The following CSMD1 variants were observed in gnomAD, a reference collection of about 807,000 sequenced individuals.
CSMD1 encodes the protein CUB and Sushi multiple domains 1.
CSMD1 carries 213 observed loss-of-function variants against 417.5 expected under a neutral mutation model. The ratio of observed to expected loss-of-function variants is 0.51; its 90% CI spans 0.46 to 0.57. The LOEUF (loss-of-function observed/expected upper bound fraction) is 0.57, where lower values mean the gene tolerates loss of function less well. Among genes scored for constraint, CSMD1 ranks in the 20% least tolerant of loss-of-function variants. The probability of loss-of-function intolerance (pLI) is 0.00; values close to 1 mark genes in which losing one functional copy is unlikely to be tolerated. For synonymous variants in CSMD1, 2,862 were observed against 1,736.8 expected (o/e 1.65, Z -16.11); for missense variants, 6,923 against 4,529.7 (o/e 1.53, Z -15.17).
At chr8:3,724,273 G>A (rs540021051) in intron 6 of CSMD1, among the ~76,000 whole-genome samples, 138 of 151,854 alleles carry the variant, frequency 9.1e-4, no homozygotes, top group African/African-American at 3.1e-3. Context: ...ATGTATACAT[G>A]TGCCATGCTG....
intron 42 of CSMD1, chr8:3,113,026 C>G (rs1377252200): frequency 3.9e-5 from 6 of 152,262 alleles, no homozygotes; most frequent in Non-Finnish European, 5.9e-5. Context: ...CAAGTGGTGG[C>G]GTCTCACTGA....
intron 10 of CSMD1, among the ~76,000 whole-genome samples, chr8:3,530,427 G>A (rs181483749): frequency 6.6e-6 from 1 of 152,024 alleles, no homozygotes; most frequent in Non-Finnish European, 1.5e-5. Flanking sequence ...TGATTGTTTA[G>A]GTGTGTTGTT....
rs932574100 is a variant in CSMD1 at position 4,280,277 on chromosome 8, C to T, written c.415+139676G>A. Among the ~76,000 whole-genome samples the T allele has an allele frequency of 1.6e-4, 24 of 152,198 alleles. No individual in the cohort carries two copies. The South Asian group carries it at 1.9e-3, about 12-fold the overall frequency. Reference sequence around the variant, plus strand: ...TATATTGCAGTATTTGATATTAGCACGTTTTTATAATGTAGTATATAATAA... The same window carrying T: ...TATATTGCAGTATTTGATATTAGCATGTTTTTATAATGTAGTATATAATAA... On this transcript the variant is annotated intron_variant, in intron 3 of 69. Transcript: ENST00000635120.
intron 1 of CSMD1, among the ~76,000 whole-genome samples, chr8:4,988,901 A>G (rs1028929253): frequency 1.3e-5 from 2 of 152,078 alleles, no homozygotes; most frequent in African/African-American, 4.8e-5. Flanking sequence ...CAATTATACA[A>G]TGTCCTTCTA....
intron 1 of CSMD1, among the ~76,000 whole-genome samples, chr8:4,657,054 A>C (rs1177314536): frequency 6.6e-6 from 1 of 152,178 alleles, no homozygotes; most frequent in Non-Finnish European, 1.5e-5. Context: ...CAATGGAGGC[A>C]AATAACACAG....
intron 5 of CSMD1, among the ~76,000 whole-genome samples, chr8:3,993,934 C>T (rs1342638162): frequency 6.6e-6 from 1 of 152,108 alleles, no homozygotes; most frequent in African/African-American, 2.4e-5. Context: ...AACAAATGCA[C>T]CAGGGATGAA....
intron 10 of CSMD1, among the ~76,000 whole-genome samples, chr8:3,503,940 G>A (rs912392014): frequency 2.6e-5 from 4 of 151,998 alleles, no homozygotes; most frequent in African/African-American, 7.3e-5. Flanking sequence ...GAATATGGAG[G>A]CGGGGGTTAG....
At chr8:3,317,274 A>G (rs1227447782) in intron 23 of CSMD1, among the ~76,000 whole-genome samples, 2 of 152,210 alleles carry the variant, frequency 1.3e-5, no homozygotes, top group Non-Finnish European at 2.9e-5. Flanking sequence ...AAAAATAAAC[A>G]TGCTTTGGAT....
intron 3 of CSMD1, among the ~76,000 whole-genome samples, chr8:4,413,251 G>C (rs190431254): frequency 1.9e-4 from 29 of 152,294 alleles, no homozygotes; most frequent in Non-Finnish European, 3.2e-4. Flanking sequence ...AGCTGGCTAA[G>C]CTTTCCTTTC....
At chr8:3,880,100 C>T (rs1019344682) in intron 5 of CSMD1, among the ~76,000 whole-genome samples, 3 of 151,902 alleles carry the variant, frequency 2.0e-5, no homozygotes, top group Admixed American at 1.3e-4. Flanking sequence ...AAACGTATTA[C>T]TAAATTCATT....
chr8:3,422,265 T>C lies in CSMD1; in HGVS notation c.1562-12660A>G, dbSNP rs193012599. 2.3e-3 allele frequency among the ~76,000 whole-genome samples: 347 copies of C among 152,280 alleles called. 2 individuals are homozygous for C. Among genetic ancestry groups the C allele is most frequent in the African/African-American group, 8.0e-3 (333 of 41,562 alleles). On this transcript the variant is annotated intron_variant, in intron 12 of 69. Transcript: ENST00000635120. ...ACACTTAGCCACTCAGCATTCTTGA[T>C]GGCATACAATTCTGGGTACCTGATC...
At chr8:3,331,986 T>G (rs1026398539) in intron 23 of CSMD1, among the ~76,000 whole-genome samples, 1 of 152,156 alleles carries the variant, frequency 6.6e-6, no homozygotes, top group Non-Finnish European at 1.5e-5. Flanking sequence ...TGATAGATAA[T>G]TGCCTCGTCA....
intron 48 of CSMD1, among the ~76,000 whole-genome samples, chr8:3,090,100 G>A (rs1350572110): frequency 6.6e-6 from 1 of 151,624 alleles, no homozygotes; most frequent in Non-Finnish European, 1.5e-5. Flanking sequence ...GGATCACAAG[G>A]TCAGGAGATC....
At chr8:4,317,823 T>G (rs551196498) in intron 3 of CSMD1, among the ~76,000 whole-genome samples, 5 of 152,178 alleles carry the variant, frequency 3.3e-5, no homozygotes, top group Non-Finnish European at 7.3e-5. Flanking sequence ...CATTCAGTAA[T>G]TATTTGTTTA....
chr8:4,850,382 C>CTTTTTTTTTTTTTTTTTT, intron 1 of CSMD1, among the ~76,000 whole-genome samples: 8 of 77,826 alleles, frequency 1.0e-4, no homozygotes, highest in African/African-American at 3.7e-4. Flanking sequence ...TCCAATTTAT[C>CTTTTTTTTTTTTTTTTTT]TTTTTTTTTT....
intron 10 of CSMD1, among the ~76,000 whole-genome samples, chr8:3,557,123 C>A (rs902938221): frequency 6.6e-6 from 1 of 152,192 alleles, no homozygotes; most frequent in African/African-American, 2.4e-5. Context: ...TTACCCACGA[C>A]TGAGCTTCAC....
chr8:4,600,649 T>G (rs1800531215), intron 2 of CSMD1, among the ~76,000 whole-genome samples: 1 of 152,190 alleles, frequency 6.6e-6, no homozygotes, highest in South Asian at 2.1e-4. Flanking sequence ...TTACCACCAA[T>G]GTTTAGATAA....
chr8:4,966,764 T>A (rs563312942), intron 1 of CSMD1, among the ~76,000 whole-genome samples: 5 of 152,340 alleles, frequency 3.3e-5, no homozygotes, highest in African/African-American at 1.2e-4. Context: ...TGTGTCTTAA[T>A]TTAAAATAAC....
chr8:3,338,761 G>T (rs964320677), intron 23 of CSMD1, among the ~76,000 whole-genome samples: 1 of 151,028 alleles, frequency 6.6e-6, no homozygotes, highest in Non-Finnish European at 1.5e-5. Flanking sequence ...TTGCCATATG[G>T]AATTGTGGCA....
Sources: allele counts gnomAD v4.1 joint callset (sites outside exome capture counted in the v4.1 genomes callset), GRCh38; gene constraint gnomAD v4.1.1; transcripts MANE v1.5; gene names NCBI Gene and HGNC (gene_info 2026-07-23, HGNC 2026-07-21).